Variants in NR1I3 observed in about 807,000 individuals in gnomAD.
NR1I3 encodes the protein constitutive activator of retinoid response.
Under a neutral mutation model 38.4 loss-of-function variants are expected in NR1I3, and 30 were observed. The ratio of observed to expected loss-of-function variants is 0.78; its 90% CI spans 0.58 to 1.06. The LOEUF (loss-of-function observed/expected upper bound fraction) is 1.06. NR1I3 is among the 50% of genes least tolerant of loss of function. NR1I3 has a pLI of 0.00. For synonymous variants in NR1I3, 143 were observed against 165.1 expected (o/e 0.87, Z 1.03); for missense variants, 388 against 435.7 (o/e 0.89, Z 0.97).
At position 161,231,293 on chromosome 1, in the gene NR1I3, G is replaced by C. The variant is rs372661956; in HGVS notation, c.694+36C>G. 10 of 1,610,544 alleles carry C rather than the reference G, an allele frequency of 6.2e-6. No individual in the cohort carries two copies. The Admixed American group carries it at 1.7e-4, about 27-fold the overall frequency. On this transcript the variant is annotated intron_variant, in intron 6 of 8. Transcript: ENST00000367983. ...CACCTGACCACATCCTGTACCATGA[G>C]GACACATGCCCCCTATTGCTCTAGC...
At position 161,233,174 on chromosome 1, in the gene NR1I3, A is replaced by G. The variant is rs774980216; in HGVS notation, c.403T>C (p.Phe135Leu). 1.2e-5 allele frequency: 20 copies of G among 1,613,950 alleles called. No individual in the cohort carries two copies. In the South Asian group the frequency reaches 2.2e-4, roughly 18 times the overall value. ...CAAATCCTGTCGGTGCTCACCCTAA[A>G]CTGCACAAACTGTTCAAACATGGTG... ...MGTMFEQFVQ[F>L]RPPAHLFIHH... Residue 135 changes from phenylalanine (F) to leucine (L), a missense_variant, in exon 4 of 9, where the codon TTT becomes CTT. By Grantham distance (22) the Phe-to-Leu change is conservative (BLOSUM62 0). Transcript: ENST00000367983.
intron 5 of NR1I3, among the ~76,000 whole-genome samples, 198 bp downstream of exon 5, chr1:161,232,609 T>G (rs1284031634): frequency 2.6e-5 from 4 of 152,192 alleles, no homozygotes; most frequent in Non-Finnish European, 5.9e-5. Context: ...CAAGGGCACT[T>G]TAGATGCAAG....
chr1:161,233,759 A>T (rs1246318361), intron 3 of NR1I3, among the ~76,000 whole-genome samples: 1 of 151,610 alleles, frequency 6.6e-6, no homozygotes, highest in Admixed American at 6.6e-5. Context: ...TTTTAGCAAA[A>T]TTTCAAAACT....
At chr1:161,230,621 G>A in intron 8 of NR1I3, 192 bp downstream of exon 8, 1 of 698,926 alleles carries the variant, frequency 1.4e-6, no homozygotes, top group Non-Finnish European at 2.4e-6. Context: ...AGATGAAACA[G>A]CAGTATCCAA....
chr1:161,231,989 T>C (rs1461435651), intron 5 of NR1I3, among the ~76,000 whole-genome samples: 1 of 151,752 alleles, frequency 6.6e-6, no homozygotes, highest in Non-Finnish European at 1.5e-5. Flanking sequence ...ATTATTCTTA[T>C]TAATTAATTT....
In NR1I3 at chr1:161,232,795, G is replaced by A. The variant is rs770417075; in HGVS notation, c.548+12C>T. 152 of 1,613,962 alleles carry A rather than the reference G, an allele frequency of 9.4e-5. 2 individuals carry two copies. The South Asian group carries it at 1.6e-3, about 17-fold the overall frequency. On this transcript the variant is annotated intron_variant, in intron 5 of 8. Transcript: ENST00000367983. ...GTGTTTGCCTCCTGAAAGATGAGGGGAGGTCACTCACCGGAAGACGGGCAG... is the reference window on the plus strand; with the variant it reads ...GTGTTTGCCTCCTGAAAGATGAGGGAAGGTCACTCACCGGAAGACGGGCAG...
chr1:161,233,883 GTGTGTATA>G (rs1295157655), intron 3 of NR1I3, among the ~76,000 whole-genome samples: 17 of 123,640 alleles, frequency 1.4e-4, no homozygotes, highest in Non-Finnish European at 1.9e-4. Context: ...GTGTGTGTGT[GTGTGTATA>G]TGTGTGTGTA....
Position 161,236,295 on chromosome 1 carries a change from A to G in NR1I3, c.107+164T>C. ...CCTCTGTTATGCCACCAGTTTATAC[A>G]GTGATGTGTTTGGCAAGATGTAGGA... On this transcript the variant is annotated intron_variant, in intron 2 of 8. Transcript: ENST00000367983. 6.3e-6 allele frequency: 5 copies of G among 791,626 alleles called. No homozygotes were observed. The East Asian group carries it at 1.3e-4, about 21-fold the overall frequency. The allele number at this position is 791,626 out of a possible 1,614,324, so 49.0% of individuals were successfully genotyped here. A position where few individuals can be genotyped will look rare whatever the true frequency, so the allele number is the denominator to read the frequency against.
intron 7 of NR1I3, 45 bp downstream of exon 7, chr1:161,231,072 C>T (rs973128147): frequency 1.1e-5 from 18 of 1,613,916 alleles, no homozygotes; most frequent in Non-Finnish European, 1.4e-5. Context: ...AGTATTTGGG[C>T]AGAGGTGGTG....
chr1:161,229,738 T>G lies in NR1I3; in HGVS notation c.*59A>C, dbSNP rs1327146568. ...GGCCCAATCTTTGGTCCCAGCATTTTCCCACTCCAGTGTATCCAGGGTGTT... is the reference window on the plus strand; with the variant it reads ...GGCCCAATCTTTGGTCCCAGCATTTGCCCACTCCAGTGTATCCAGGGTGTT... On this transcript the variant is annotated 3_prime_UTR_variant, in exon 9 of 9. Coordinates refer to ENST00000367983, the MANE Select transcript of NR1I3 (RefSeq NM_005122.5). The G allele has an allele frequency of 6.2e-7, 1 of 1,614,228 alleles. No homozygotes were observed. The highest frequency in any genetic ancestry group is 8.5e-7 in the Non-Finnish European group (1 of 1,180,036).
intron 1 of NR1I3, among the ~76,000 whole-genome samples, chr1:161,237,824 C>T (rs1261109137): frequency 1.3e-5 from 2 of 152,194 alleles, no homozygotes; most frequent in Non-Finnish European, 2.9e-5. Context: ...GCTGGGATTA[C>T]AGGCATGAGC....
intron 3 of NR1I3, chr1:161,235,267 T>G (rs1236568085): frequency 1.6e-5 from 2 of 121,836 alleles, no homozygotes; most frequent in Non-Finnish European, 3.5e-5. Flanking sequence ...TTTTTTTTTT[T>G]TTTTTTTTTT....
chr1:161,229,962 G>A, intron 8 of NR1I3, 36 bp from the exon 9 acceptor site: 2 of 1,613,172 alleles, frequency 1.2e-6, no homozygotes, highest in South Asian at 1.1e-5. Flanking sequence ...AGGAAAACAG[G>A]AGGGAAATAA....
In NR1I3 at chr1:161,232,866, G is replaced by A. The variant is rs367668454; in HGVS notation, c.489C>T (p.Asp163=). ...CTTGCAGTACCATGAAAGTGTTGAT[G>A]TCTGCGAAGTGTGTGACCAGAGGCA... ...PVLPLVTHFA[D]INTFMVLQVI... Residue 163 remains aspartate (D), a synonymous_variant, in exon 5 of 9, where the codon GAC becomes GAT. Coordinates refer to ENST00000367983, the MANE Select transcript of NR1I3 (RefSeq NM_005122.5). 6.2e-6 allele frequency: 10 copies of A among 1,614,220 alleles called. No individual in the cohort carries two copies. In the East Asian group the frequency reaches 6.7e-5, roughly 11 times the overall value.
chr1:161,231,031 G>T, intron 7 of NR1I3, 86 bp downstream of exon 7: 1 of 1,613,234 alleles, frequency 6.2e-7, no homozygotes, highest in Non-Finnish European at 8.5e-7. Flanking sequence ...AGCTAGGCTA[G>T]AAGGCCTGGG....
intron 8 of NR1I3, chr1:161,230,468 G>A: frequency 2.0e-6 from 1 of 492,218 alleles, no homozygotes; most frequent in East Asian, 3.4e-5. Context: ...GAAAGGCCAA[G>A]GGAAGAGAAA....
intron 3 of NR1I3, among the ~76,000 whole-genome samples, chr1:161,233,988 T>A (rs909456129): frequency 6.6e-5 from 10 of 151,476 alleles, no homozygotes; most frequent in Non-Finnish European, 1.5e-4. Context: ...TATATTTTTT[T>A]GTTTGTTTTG....
intron 2 of NR1I3, 122 bp from the exon 3 acceptor site, chr1:161,236,099 G>A: frequency 8.9e-7 from 1 of 1,127,010 alleles, no homozygotes. Context: ...GTGCCCAAAG[G>A]TCCCCAGGGG....
intron 8 of NR1I3, chr1:161,230,265 A>G (rs1220998506): frequency 5.7e-6 from 2 of 352,316 alleles, no homozygotes; most frequent in Non-Finnish European, 1.1e-5. Context: ...GATGTGTTCT[A>G]TGGTATAAAG....
Sources: allele counts gnomAD v4.1 joint callset (sites outside exome capture counted in the v4.1 genomes callset), GRCh38; gene constraint gnomAD v4.1.1; transcripts MANE v1.5; gene names NCBI Gene and HGNC (gene_info 2026-07-23, HGNC 2026-07-21).